UST: variants seen among roughly 807,000 people sequenced by gnomAD.
UST encodes uronyl 2-sulfotransferase.
UST carries 21 observed loss-of-function variants against 45.6 expected under a neutral mutation model. That is an observed-to-expected ratio of 0.46 (90% CI 0.33 to 0.66). The LOEUF is 0.66. UST is among the 30% of genes least tolerant of loss of function. The pLI, the probability that UST is intolerant of heterozygous loss-of-function variation, is 0.02. For synonymous variants in UST, 215 were observed against 200.6 expected, an observed-to-expected ratio of 1.07 and a Z score of -0.61; for missense variants, 463 against 512.4, an observed-to-expected ratio of 0.90 and a Z score of 0.93.
At chr6:149,021,811 T>G (rs1775985196) in intron 7 of UST, among the ~76,000 whole-genome samples, 1 of 152,208 alleles carries the variant, frequency 6.6e-6, no homozygotes, top group Admixed American at 6.5e-5. Context: ...ATCAGCCTTG[T>G]CTTGAGCATG....
chr6:148,874,187 A>T (rs978853287), intron 1 of UST, among the ~76,000 whole-genome samples: 2 of 152,260 alleles, frequency 1.3e-5, no homozygotes, highest in African/African-American at 4.8e-5. Flanking sequence ...CCTGCATAAG[A>T]TCATATAACA....
chr6:148,933,098 C>T (rs955937086), intron 2 of UST, among the ~76,000 whole-genome samples: 32 of 152,126 alleles, frequency 2.1e-4, no homozygotes, highest in Non-Finnish European at 2.6e-4. Context: ...AGGGAACCTT[C>T]GACTTCAACA....
chr6:149,032,360 G>A (rs1025332708), intron 7 of UST, among the ~76,000 whole-genome samples: 1 of 152,078 alleles, frequency 6.6e-6, no homozygotes, highest in Admixed American at 6.5e-5. Flanking sequence ...TCCCCACTAA[G>A]ATCCCACCAC....
At chr6:148,932,345 A>C (rs1324862814) in intron 2 of UST, among the ~76,000 whole-genome samples, 1 of 152,106 alleles carries the variant, frequency 6.6e-6, no homozygotes, top group Admixed American at 6.6e-5. Context: ...GTGCTCCTGC[A>C]CTCCAGCCTG....
At chr6:149,070,807 C>T (rs1309563947) in intron 7 of UST, among the ~76,000 whole-genome samples, 3 of 152,072 alleles carry the variant, frequency 2.0e-5, no homozygotes, top group African/African-American at 7.2e-5. Flanking sequence ...CTCGCTCTGT[C>T]GCCAGGCTGG....
At chr6:148,827,096 C>T (rs1269006644) in intron 1 of UST, among the ~76,000 whole-genome samples, 2 of 152,168 alleles carry the variant, frequency 1.3e-5, no homozygotes, top group African/African-American at 4.8e-5. Flanking sequence ...GTTGATACCG[C>T]CTGAAATGCA....
At chr6:148,901,881 A>G (rs1197721822) in intron 2 of UST, among the ~76,000 whole-genome samples, 1 of 152,098 alleles carries the variant, frequency 6.6e-6, no homozygotes, top group Non-Finnish European at 1.5e-5. Context: ...TTCTGTGAGC[A>G]GTCCATTAGC....
intron 5 of UST, among the ~76,000 whole-genome samples, chr6:149,000,604 C>G (rs891187478): frequency 5.3e-5 from 8 of 152,058 alleles, no homozygotes; most frequent in African/African-American, 1.7e-4. Context: ...GCAGCAAAAT[C>G]TAGTACTGGA....
chr6:149,074,090 T>C lies in UST; in HGVS notation c.1195T>C (p.Trp399Arg), dbSNP rs1358454051. 3 of 1,614,030 alleles carry C rather than the reference T, an allele frequency of 1.9e-6. No individual in the cohort carries two copies. In the South Asian group the frequency reaches 3.3e-5, roughly 18 times the overall value. The change falls in exon 8 of 8, where the codon TGG becomes CGG. Residue 399 changes from tryptophan to arginine, a missense_variant. This residue lies in a region of UST where 287 missense variants were observed against 374.2 expected (regional missense o/e 0.77). Coordinates refer to ENST00000367463, the MANE Select transcript of UST (RefSeq NM_005715.3). ...CGATGAAGAACAGGATGATGAAAAG[T>C]GGCTGGAAGATATTTATAAGAGGTG... Reference protein sequence around the residue: ...IDDEEQDDEKWLEDIYKR With the variant: ...IDDEEQDDEKRLEDIYKR
intron 2 of UST, among the ~76,000 whole-genome samples, chr6:148,928,579 A>C (rs1274311888): frequency 2.0e-5 from 3 of 152,244 alleles, no homozygotes; most frequent in Non-Finnish European, 2.9e-5. Flanking sequence ...CTGTTTACCC[A>C]GGACCAGGTA....
At chr6:149,045,690 A>G (rs1285970778) in intron 7 of UST, among the ~76,000 whole-genome samples, 15 of 152,210 alleles carry the variant, frequency 9.9e-5, no homozygotes, top group Admixed American at 9.8e-4. Context: ...CCTGCAGTTG[A>G]AAGACTGAGC....
intron 5 of UST, among the ~76,000 whole-genome samples, chr6:149,008,934 TC>T (rs1423462942): frequency 1.5e-4 from 23 of 152,356 alleles, no homozygotes; most frequent in African/African-American, 5.0e-4. Flanking sequence ...CATCAGTTTT[TC>T]CTGACTCATC....
chr6:148,926,826 A>T lies in UST; in HGVS notation c.292-14453A>T, dbSNP rs150214675. 1.5e-3 allele frequency among the ~76,000 whole-genome samples: 222 copies of T among 152,304 alleles called. 1 individual carries two copies. The highest frequency in any genetic ancestry group is 0.014 in the Middle Eastern group (4 of 294). On this transcript the variant is annotated intron_variant, in intron 2 of 7. Coordinates refer to ENST00000367463, the MANE Select transcript of UST (RefSeq NM_005715.3). ...TTAGCTGGGCATATTGTTACCTAGA[A>T]TGAGGTCATGGTTCCTTTAGGAAGA...
At chr6:148,826,612 A>G (rs1184063692) in intron 1 of UST, among the ~76,000 whole-genome samples, 2 of 152,164 alleles carry the variant, frequency 1.3e-5, no homozygotes, top group African/African-American at 2.4e-5. Context: ...AATCATTGGC[A>G]TGGTCTAACT....
Position 148,906,459 on chromosome 6 carries a change from G to C in UST, c.291+19430G>C, listed in dbSNP as rs115637901. ...TAACTGATCTGGGCTTGTCATCTGTGCACTTAATGGACAAGGTATGAGGGT... is the reference window on the plus strand; with the variant it reads ...TAACTGATCTGGGCTTGTCATCTGTCCACTTAATGGACAAGGTATGAGGGT... On this transcript the variant is annotated intron_variant, in intron 2 of 7. Transcript: ENST00000367463. Among the ~76,000 whole-genome samples the C allele has an allele frequency of 5.9e-3, 897 of 152,292 alleles. 8 individuals carry two copies. Among genetic ancestry groups the C allele is most frequent in the African/African-American group, 0.02 (840 of 41,558 alleles).
intron 1 of UST, among the ~76,000 whole-genome samples, chr6:148,800,254 G>T (rs567025367): frequency 6.6e-6 from 1 of 152,306 alleles, no homozygotes; most frequent in South Asian, 2.1e-4. Context: ...AGCCTCATAA[G>T]GATTTTGTGA....
At chr6:148,987,740 C>A (rs1781264121) in intron 5 of UST, among the ~76,000 whole-genome samples, 1 of 152,062 alleles carries the variant, frequency 6.6e-6, no homozygotes, top group Non-Finnish European at 1.5e-5. Flanking sequence ...CATTTTCCAC[C>A]ATTTGGGAAA....
chr6:148,940,800 T>C (rs150726210), intron 2 of UST, among the ~76,000 whole-genome samples: 144 of 152,322 alleles, frequency 9.5e-4, no homozygotes, highest in Non-Finnish European at 1.8e-3. Flanking sequence ...CATGTGCTTG[T>C]TGGCCATTTG....
At chr6:148,935,534 T>C (rs959102043) in intron 2 of UST, among the ~76,000 whole-genome samples, 1 of 152,210 alleles carries the variant, frequency 6.6e-6, no homozygotes, top group Non-Finnish European at 1.5e-5. Flanking sequence ...GATTTCGAGA[T>C]TGATCCTAAG....
Sources: gnomAD v4.1 joint callset for allele counts (sites outside exome capture counted in the v4.1 genomes callset) on GRCh38, gnomAD v4.1.1 for gene constraint, gnomAD v4.1.1 regional missense constraint, MANE v1.5 for transcripts, NCBI Gene and HGNC (gene_info 2026-07-23, HGNC 2026-07-21) for gene names.